ATXN1: variants seen among roughly 807,000 people sequenced by gnomAD.
ATXN1 encodes the protein ataxin 1.
A neutral mutation model predicts 56.4 loss-of-function variants in ATXN1; 8 were observed. The observed-to-expected ratio is 0.14, with a 90% CI of 0.08 to 0.26. ATXN1 has a LOEUF of 0.26. ATXN1 is among the 10% of genes least tolerant of loss of function. The probability of loss-of-function intolerance (pLI) is 1.00; values close to 1 mark genes in which losing one functional copy is unlikely to be tolerated. For missense variants in ATXN1, 987 were observed against 1,106.5 expected (o/e 0.89, Z 1.53); for synonymous variants, 514 against 494.6 (o/e 1.04, Z -0.52).
At chr6:16,357,257 ATTTAT>A (rs1332374401) in intron 6 of ATXN1, among the ~76,000 whole-genome samples, 2 of 46,998 alleles carry the variant, frequency 4.3e-5, no homozygotes, top group Non-Finnish European at 8.2e-5. Flanking sequence ...ATTTTATTTT[ATTTAT>A]TTTATTTTAT....
chr6:16,586,682 T>C (rs1435088869), intron 3 of ATXN1, among the ~76,000 whole-genome samples: 1 of 152,200 alleles, frequency 6.6e-6, no homozygotes, highest in African/African-American at 2.4e-5. Flanking sequence ...CTATACCATC[T>C]CTTCAAGGCT....
chr6:16,379,618 A>G lies in ATXN1; in HGVS notation c.-160-51148T>C, dbSNP rs544762113. On this transcript the variant is annotated intron_variant, in intron 6 of 7. Coordinates refer to ENST00000436367, the MANE Select transcript of ATXN1 (RefSeq NM_001128164.2). ...AATAACCATACACTGAACATCCAGG[A>G]AGTGCTAACCAGGTACTGCACTAGG... Among the ~76,000 whole-genome samples, 11 of 152,304 alleles carry G rather than the reference A, an allele frequency of 7.2e-5. No individual in the cohort carries two copies. The East Asian group carries it at 2.1e-3, about 29-fold the overall frequency.
intron 7 of ATXN1, among the ~76,000 whole-genome samples, chr6:16,325,622 C>G (rs535030882): frequency 7.2e-5 from 11 of 152,112 alleles, no homozygotes; most frequent in Non-Finnish European, 1.3e-4. Context: ...TCCCCAGGTG[C>G]CCCCCACTTT....
At chr6:16,592,269 C>T (rs1762736201) in intron 3 of ATXN1, among the ~76,000 whole-genome samples, 1 of 152,324 alleles carries the variant, frequency 6.6e-6, no homozygotes, top group South Asian at 2.1e-4. Context: ...TCCCAACTTA[C>T]ATTTTCCACT....
intron 6 of ATXN1, among the ~76,000 whole-genome samples, chr6:16,349,535 T>G (rs1761523133): frequency 6.6e-6 from 1 of 152,060 alleles, no homozygotes; most frequent in African/African-American, 2.4e-5. Flanking sequence ...AAAACACATT[T>G]TCCTCCCTAG....
At chr6:16,555,612 G>T (rs997722639) in intron 4 of ATXN1, among the ~76,000 whole-genome samples, 1 of 152,292 alleles carries the variant, frequency 6.6e-6, no homozygotes, top group South Asian at 2.1e-4. Context: ...CACCTCTGCA[G>T]GCCAGGGGTG....
chr6:16,733,042 C>A (rs1043940390), intron 2 of ATXN1, among the ~76,000 whole-genome samples: 6 of 152,152 alleles, frequency 3.9e-5, no homozygotes, highest in Non-Finnish European at 7.3e-5. Flanking sequence ...ATTTTCCAAC[C>A]GATGAAAGAA....
intron 4 of ATXN1, among the ~76,000 whole-genome samples, chr6:16,558,702 A>G (rs998197774): frequency 6.6e-6 from 1 of 152,228 alleles, no homozygotes; most frequent in African/African-American, 2.4e-5. Flanking sequence ...CTAATAAAAA[A>G]TACGAGACAA....
chr6:16,511,669 A>G (rs1761083744), intron 5 of ATXN1, among the ~76,000 whole-genome samples: 1 of 152,198 alleles, frequency 6.6e-6, no homozygotes, highest in Non-Finnish European at 1.5e-5. Context: ...GGATTGCTTG[A>G]GCCCAGGAAT....
In ATXN1 at chr6:16,751,962, TA is replaced by T. The variant is rs1395297177; in HGVS notation, c.-615+1270del. Among the ~76,000 whole-genome samples, 5 of 152,320 alleles carry T rather than the reference TA, an allele frequency of 3.3e-5. No homozygotes were observed. The South Asian group carries it at 1.0e-3, about 32-fold the overall frequency. On this transcript the variant is annotated intron_variant, in intron 2 of 7. Transcript: ENST00000436367. ...ATATTACCTCCATCTTATACATGAATAAACTGAGGCATTGAAAGGACATAGG... is the reference window on the plus strand; with the variant it reads ...ATATTACCTCCATCTTATACATGAATAACTGAGGCATTGAAAGGACATAGG...
intron 6 of ATXN1, among the ~76,000 whole-genome samples, chr6:16,445,026 G>C (rs1759603842): frequency 6.6e-6 from 1 of 151,924 alleles, no homozygotes; most frequent in Non-Finnish European, 1.5e-5. Flanking sequence ...TTTCTCAACA[G>C]AAAAAACTGC....
intron 6 of ATXN1, among the ~76,000 whole-genome samples, chr6:16,402,250 T>TG: frequency 1.1e-4 from 1 of 9,182 alleles, no homozygotes; most frequent in Non-Finnish European, 2.6e-4. Flanking sequence ...CAGTTTTTTT[T>TG]TTTTTTTTTT....
intron 6 of ATXN1, among the ~76,000 whole-genome samples, chr6:16,441,916 A>G (rs1255449456): frequency 6.6e-6 from 1 of 152,316 alleles, no homozygotes; most frequent in East Asian, 1.9e-4. Flanking sequence ...CTGTAATAAG[A>G]GCCTTTGAAG....
chr6:16,375,911 A>G (rs1762132370), intron 6 of ATXN1, among the ~76,000 whole-genome samples: 2 of 152,354 alleles, frequency 1.3e-5, no homozygotes, highest in South Asian at 4.1e-4. Context: ...AAAATGGACT[A>G]TCTGTTCAAT....
chr6:16,712,901 T>C (rs1377651573), intron 2 of ATXN1, among the ~76,000 whole-genome samples: 1 of 152,174 alleles, frequency 6.6e-6, no homozygotes, highest in Non-Finnish European at 1.5e-5. Context: ...CCTTAGTAAC[T>C]GAATGAAACT....
chr6:16,387,414 T>A (rs542467409), intron 6 of ATXN1, among the ~76,000 whole-genome samples: 2 of 152,328 alleles, frequency 1.3e-5, no homozygotes, highest in Admixed American at 1.3e-4. Context: ...GGAAGACCTC[T>A]CCATCAGCCA....
rs552762589 is a variant in ATXN1, at chr6:16,760,894, G to C, written c.-730+404C>G. On this transcript the variant is annotated intron_variant, in intron 1 of 7. Coordinates refer to ENST00000436367, the MANE Select transcript of ATXN1 (RefSeq NM_001128164.2). This position sits in a 1 kb window ranked among gnomAD's most constrained non-coding sequence, Gnocchi z 5.3. ...CTTGCGACCGGACCAGCAGCCGGGG[G>C]AGCGGGGCGCCGCCGCCGCTCTCCC... 6.8e-6 allele frequency among the ~76,000 whole-genome samples: 1 copy of C among 147,030 alleles called. No homozygotes were observed. Among genetic ancestry groups the C allele is most frequent in the Admixed American group, 6.7e-5 (1 of 14,942 alleles).
intron 4 of ATXN1, among the ~76,000 whole-genome samples, chr6:16,584,361 A>G (rs1364463645): frequency 6.6e-6 from 1 of 151,426 alleles, no homozygotes; most frequent in African/African-American, 2.4e-5. Context: ...TCAGATACAT[A>G]TCTAATAAAA....
At chr6:16,434,276 C>G (rs1759345541) in intron 6 of ATXN1, among the ~76,000 whole-genome samples, 1 of 152,148 alleles carries the variant, frequency 6.6e-6, no homozygotes, top group South Asian at 2.1e-4. Context: ...AGATGGCATG[C>G]AAATCAATCA....
Sources: gnomAD v4.1 joint callset for allele counts (sites outside exome capture counted in the v4.1 genomes callset) on GRCh38, gnomAD v4.1.1 for gene constraint, Gnocchi (gnomAD v3.1) non-coding constraint, MANE v1.5 for transcripts, NCBI Gene and HGNC (gene_info 2026-07-23, HGNC 2026-07-21) for gene names.